CCDC178: variants seen among roughly 807,000 people sequenced by gnomAD.
CCDC178 encodes coiled-coil domain containing 178.
Under a neutral mutation model 117.4 loss-of-function variants are expected in CCDC178, and 126 were observed. That is an observed-to-expected ratio of 1.07 (90% CI 0.93 to 1.24). The LOEUF is 1.24. CCDC178 is among the 50% of genes most tolerant of loss of function. The pLI is 0.00. For synonymous variants in CCDC178, 283 were observed against 313.4 expected (o/e 0.90, Z 1.02); for missense variants, 1,030 against 986.9 (o/e 1.04, Z -0.59).
At chr18:33,014,268 C>A (rs1289493179) in intron 21 of CCDC178, among the ~76,000 whole-genome samples, 1 of 152,156 alleles carries the variant, frequency 6.6e-6, no homozygotes, top group Non-Finnish European at 1.5e-5. Context: ...ATATGCAGGG[C>A]TTATCTTTAT....
chr18:33,108,127 C>G (rs568766661), intron 20 of CCDC178, among the ~76,000 whole-genome samples: 1 of 151,500 alleles, frequency 6.6e-6, no homozygotes, highest in Non-Finnish European at 1.5e-5. Context: ...ATACATTTCC[C>G]TTTTTGACCT....
intron 21 of CCDC178, among the ~76,000 whole-genome samples, chr18:33,045,508 A>G (rs1008375020): frequency 2.6e-5 from 4 of 152,182 alleles, no homozygotes; most frequent in African/African-American, 9.6e-5. Context: ...GTTTGGGAGA[A>G]CAAATGATGT....
At chr18:33,234,293 T>C (rs190545097) in intron 15 of CCDC178, among the ~76,000 whole-genome samples, 125 of 152,216 alleles carry the variant, frequency 8.2e-4, no homozygotes, top group Middle Eastern at 3.4e-3. Context: ...CCGGCAACCA[T>C]TTCCCACTAA....
At chr18:33,177,864 C>T (rs1364214571) in intron 20 of CCDC178, among the ~76,000 whole-genome samples, 1 of 152,008 alleles carries the variant, frequency 6.6e-6, no homozygotes, top group Non-Finnish European at 1.5e-5. Context: ...TTTTACTTTG[C>T]CTGATGGTTG....
intron 12 of CCDC178, among the ~76,000 whole-genome samples, chr18:33,290,905 A>G (rs973273401): frequency 6.6e-6 from 1 of 152,144 alleles, no homozygotes; most frequent in African/African-American, 2.4e-5. Context: ...TTATAAAAAA[A>G]GTAACTGGAA....
chr18:33,085,378 A>G (rs2057365112), intron 21 of CCDC178, among the ~76,000 whole-genome samples: 1 of 152,122 alleles, frequency 6.6e-6, no homozygotes, highest in South Asian at 2.1e-4. Flanking sequence ...CCTGGCTAAC[A>G]CGGTGAAACC....
chr18:33,287,046 C>T (rs558702616), intron 12 of CCDC178, among the ~76,000 whole-genome samples: 17 of 150,638 alleles, frequency 1.1e-4, no homozygotes, highest in African/African-American at 3.9e-4. Flanking sequence ...TAACAAAGGC[C>T]ATTGTTTTTA....
chr18:33,433,575 G>C (rs1029794437), intron 2 of CCDC178, among the ~76,000 whole-genome samples: 1 of 151,970 alleles, frequency 6.6e-6, no homozygotes, highest in Admixed American at 6.6e-5. Context: ...CCATCTATAG[G>C]GAAGGAAAAT....
At chr18:33,286,341 A>G (rs2060098966) in intron 12 of CCDC178, among the ~76,000 whole-genome samples, 1 of 152,200 alleles carries the variant, frequency 6.6e-6, no homozygotes, top group African/African-American at 2.4e-5. Flanking sequence ...ATACTGTGTA[A>G]TGAAACACTA....
intron 21 of CCDC178, among the ~76,000 whole-genome samples, chr18:33,022,993 C>T (rs1002370040): frequency 6.6e-6 from 1 of 151,904 alleles, no homozygotes; most frequent in Non-Finnish European, 1.5e-5. Context: ...CATGGAGGGA[C>T]ATTATATAAT....
chr18:33,212,251 T>C (rs2059117227), intron 19 of CCDC178, among the ~76,000 whole-genome samples, 196 bp from the exon 20 acceptor site: 1 of 151,908 alleles, frequency 6.6e-6, no homozygotes, highest in Non-Finnish European at 1.5e-5. Context: ...TGGAAGAAAA[T>C]CTATGGAAGA....
chr18:33,124,181 T>G (rs577512229), intron 20 of CCDC178, among the ~76,000 whole-genome samples: 1 of 152,330 alleles, frequency 6.6e-6, no homozygotes, highest in African/African-American at 2.4e-5. Context: ...TTGCATTGTT[T>G]ACTTTATCCT....
intron 3 of CCDC178, among the ~76,000 whole-genome samples, chr18:33,411,218 G>C (rs2063847880): frequency 6.6e-6 from 1 of 152,188 alleles, no homozygotes; most frequent in African/African-American, 2.4e-5. Flanking sequence ...CTGATACAAA[G>C]ACTACCTATT....
chr18:33,227,556 G>GTATA (rs145380258), intron 15 of CCDC178, among the ~76,000 whole-genome samples: 6 of 110,964 alleles, frequency 5.4e-5, no homozygotes, highest in Admixed American at 1.9e-4. Context: ...GTGTGTGTGT[G>GTATA]TATATATATA....
chr18:33,035,149 A>G (rs1244226635), intron 21 of CCDC178, among the ~76,000 whole-genome samples: 1 of 151,944 alleles, frequency 6.6e-6, no homozygotes, highest in Non-Finnish European at 1.5e-5. Flanking sequence ...CTCTTAGGGT[A>G]GAAGTTAGGA....
At chr18:33,124,851 G>T (rs1007217968) in intron 20 of CCDC178, among the ~76,000 whole-genome samples, 2 of 152,136 alleles carry the variant, frequency 1.3e-5, no homozygotes, top group African/African-American at 4.8e-5. Context: ...GTATACAAAG[G>T]CTTGTGCAAA....
chr18:33,214,778 C>T (rs1182366558), intron 19 of CCDC178, among the ~76,000 whole-genome samples: 1 of 151,904 alleles, frequency 6.6e-6, no homozygotes, highest in Non-Finnish European at 1.5e-5. Flanking sequence ...TGACTTGACT[C>T]CATTAGAATG....
chr18:33,420,340 A>C (rs1035365026), intron 2 of CCDC178, among the ~76,000 whole-genome samples: 2 of 152,096 alleles, frequency 1.3e-5, no homozygotes, highest in African/African-American at 4.8e-5. Context: ...TATAAAAATA[A>C]TTGTGGATTT....
intron 20 of CCDC178, among the ~76,000 whole-genome samples, chr18:33,177,431 T>C (rs2058676620): frequency 6.6e-6 from 1 of 152,208 alleles, no homozygotes; most frequent in Non-Finnish European, 1.5e-5. Context: ...TTCTCTATCC[T>C]TTCTAACCAA....
Sources: allele counts gnomAD v4.1 joint callset (sites outside exome capture counted in the v4.1 genomes callset), GRCh38; gene constraint gnomAD v4.1.1; transcripts MANE v1.5; gene names NCBI Gene and HGNC (gene_info 2026-07-23, HGNC 2026-07-21).